Variants in DNAH11 observed in about 807,000 individuals in gnomAD.
DNAH11 encodes axonemal beta dynein heavy chain 11.
In DNAH11, 442 loss-of-function variants were observed where a neutral mutation model predicts 526.0. The observed-to-expected ratio is 0.84, with a 90% CI of 0.78 to 0.91. The LOEUF is 0.91. DNAH11 is among the 40% of genes least tolerant of loss of function. DNAH11 has a pLI of 0.00. For missense variants in DNAH11, 6,989 were observed against 5,448.7 expected, an observed-to-expected ratio of 1.28 and a Z score of -8.90; for synonymous variants, 2,461 against 1,935.9, an observed-to-expected ratio of 1.27 and a Z score of -7.12.
chr7:21,710,417 G>T lies in DNAH11; in HGVS notation c.6684-136G>T, dbSNP rs563545859. ...GAGGTGAATCTGGAACCCATGTGTGGCTGAAAAGGTGTTACACACTGCCCG... is the reference window on the plus strand; with the variant it reads ...GAGGTGAATCTGGAACCCATGTGTGTCTGAAAAGGTGTTACACACTGCCCG... On this transcript the variant is annotated intron_variant, in intron 40 of 81. Coordinates refer to ENST00000409508, the MANE Select transcript of DNAH11 (RefSeq NM_001277115.2). 14 of 640,360 alleles carry T rather than the reference G, an allele frequency of 2.2e-5. No homozygotes were observed. The South Asian group carries it at 3.2e-4, about 15-fold the overall frequency. The allele number at this position is 640,360 out of a possible 1,614,324, so 39.7% of individuals were successfully genotyped here. A position where few individuals can be genotyped will look rare whatever the true frequency, so the allele number is the denominator to read the frequency against.
intron 44 of DNAH11, among the ~76,000 whole-genome samples, chr7:21,724,862 A>C (rs1181935198): frequency 1.6e-5 from 2 of 127,762 alleles, no homozygotes; most frequent in African/African-American, 5.7e-5. Flanking sequence ...GGACCAGATC[A>C]TCCTAGGGAT....
intron 66 of DNAH11, among the ~76,000 whole-genome samples, chr7:21,847,068 T>C (rs1372864469): frequency 6.6e-6 from 1 of 152,196 alleles, no homozygotes; most frequent in East Asian, 1.9e-4. Flanking sequence ...TAGTAATTGG[T>C]GCCTTCTCTT....
chr7:21,901,325 C>G lies in DNAH11; in HGVS notation c.*71C>G, dbSNP rs1293637016. The G allele has an allele frequency of 3.0e-5, 43 of 1,435,810 alleles. No individual in the cohort carries two copies. The highest frequency in any genetic ancestry group is 3.2e-5 in the Non-Finnish European group (35 of 1,084,902). 88.9% of individuals were successfully genotyped at this position (1,435,810 alleles called of 1,614,324 possible). ...TTTTCTAGCATGTTGCTGCACTGTT[C>G]CCATGCACATTATTCTAACTTTTTA... On this transcript the variant is annotated 3_prime_UTR_variant, in exon 82 of 82. Coordinates refer to ENST00000409508, the MANE Select transcript of DNAH11 (RefSeq NM_001277115.2).
chr7:21,822,264 T>C (rs1790087356), intron 65 of DNAH11, among the ~76,000 whole-genome samples: 1 of 152,048 alleles, frequency 6.6e-6, no homozygotes, highest in Non-Finnish European at 1.5e-5. Context: ...AGGCTCACAA[T>C]CATGGTGGAA....
At chr7:21,616,420 A>G in intron 22 of DNAH11, 128 bp downstream of exon 22, 2 of 693,298 alleles carry the variant, frequency 2.9e-6, no homozygotes, top group Non-Finnish European at 4.6e-6. Flanking sequence ...GTGATAGCAG[A>G]CAGTGTTTTT....
intron 67 of DNAH11, among the ~76,000 whole-genome samples, chr7:21,853,108 C>A (rs752099770): frequency 6.6e-6 from 1 of 152,104 alleles, no homozygotes; most frequent in East Asian, 1.9e-4. Context: ...GCACTATTCA[C>A]CCCAGGAAAA....
chr7:21,847,057 C>T (rs1467704525), intron 66 of DNAH11, among the ~76,000 whole-genome samples: 1 of 152,056 alleles, frequency 6.6e-6, no homozygotes, highest in African/African-American at 2.4e-5. Flanking sequence ...ATTTCTCATA[C>T]TAGTAATTGG....
intron 20 of DNAH11, among the ~76,000 whole-genome samples, chr7:21,610,347 C>T (rs560531119): frequency 6.6e-6 from 1 of 152,232 alleles, no homozygotes; most frequent in African/African-American, 2.4e-5. Flanking sequence ...TTATACTACC[C>T]CTCTGATTAA....
chr7:21,863,652 A>G (rs926808602), intron 69 of DNAH11, among the ~76,000 whole-genome samples: 6 of 152,204 alleles, frequency 3.9e-5, no homozygotes, highest in Admixed American at 1.3e-4. Context: ...GAAAAAGACC[A>G]GGGATGATAA....
intron 73 of DNAH11, among the ~76,000 whole-genome samples, chr7:21,872,140 A>AAAAAAAAAAAAAT (rs1554291084): frequency 6.8e-6 from 1 of 146,618 alleles, no homozygotes; most frequent in Admixed American, 6.8e-5. Flanking sequence ...AAAAAAAAAA[A>AAAAAAAAAAAAAT]AAAAAAAAAC....
chr7:21,628,063 T>A (rs1174390783), intron 25 of DNAH11, among the ~76,000 whole-genome samples: 1 of 152,212 alleles, frequency 6.6e-6, no homozygotes, highest in African/African-American at 2.4e-5. Flanking sequence ...TAAATGTGAT[T>A]GCCTTCTTGA....
At chr7:21,726,909 T>G (rs1785138230) in intron 45 of DNAH11, among the ~76,000 whole-genome samples, 1 of 137,294 alleles carries the variant, frequency 7.3e-6, no homozygotes, top group Non-Finnish European at 1.5e-5. Flanking sequence ...TAGTGAGATG[T>G]CTGTTATATT....
intron 2 of DNAH11, among the ~76,000 whole-genome samples, chr7:21,555,069 C>T (rs1783164076): frequency 1.3e-5 from 2 of 152,124 alleles, no homozygotes; most frequent in South Asian, 4.1e-4. Flanking sequence ...GAACTTTTTA[C>T]TAGGCTTCTT....
At chr7:21,855,825 T>A in intron 68 of DNAH11, among the ~76,000 whole-genome samples, 1 of 152,274 alleles carries the variant, frequency 6.6e-6, no homozygotes, top group Non-Finnish European at 1.5e-5. Context: ...TAGATACATA[T>A]AGATATATAT....
chr7:21,799,348 T>A (rs540082658), intron 61 of DNAH11, among the ~76,000 whole-genome samples: 2 of 152,258 alleles, frequency 1.3e-5, no homozygotes, highest in South Asian at 2.1e-4. Flanking sequence ...ATTTCTTTTT[T>A]TTTTTTAAGA....
chr7:21,753,581 A>G (rs955391754), intron 54 of DNAH11, among the ~76,000 whole-genome samples: 2 of 152,308 alleles, frequency 1.3e-5, no homozygotes, highest in Middle Eastern at 3.4e-3. Flanking sequence ...TCTAAACAAC[A>G]TGTATTTCTT....
chr7:21,658,632 G>A lies in DNAH11; in HGVS notation c.5095-166G>A, dbSNP rs141575154. On this transcript the variant is annotated intron_variant, in intron 29 of 81. Coordinates refer to ENST00000409508, the MANE Select transcript of DNAH11 (RefSeq NM_001277115.2). ...TGCAGGAGAAAGATTTCACCAATCC[G>A]TTGTTCACTTTCCCCTTTGAGTTAT... Among the ~76,000 whole-genome samples, 63 of 152,212 alleles carry A rather than the reference G, an allele frequency of 4.1e-4. 2 individuals carry two copies. In the East Asian group the frequency reaches 9.1e-3, roughly 22 times the overall value.
In DNAH11 at chr7:21,864,551, A is replaced by G; in HGVS notation, c.11390A>G (p.Lys3797Arg). The G allele has an allele frequency of 6.2e-7, 1 of 1,611,296 alleles. No individual in the cohort carries two copies. Among genetic ancestry groups the G allele is most frequent in the Non-Finnish European group, 8.5e-7 (1 of 1,178,668 alleles). ...ACTCTCAAGATTTTGTTGAGAAAGA[A>G]AGAGATAGACCCTCTTGAATTGGAT... Reference protein sequence around the residue: ...QMAFQILLRKKEIDPLELDFL... With the variant: ...QMAFQILLRKREIDPLELDFL... Residue 3797 changes from lysine (K) to arginine (R), a missense_variant, in exon 70 of 82, where the codon AAA becomes AGA. Transcript: ENST00000409508.
At chr7:21,696,407 A>T (rs188615598) in intron 35 of DNAH11, among the ~76,000 whole-genome samples, 7 of 152,314 alleles carry the variant, frequency 4.6e-5, no homozygotes, top group Admixed American at 3.3e-4. Context: ...CTTGTATTGA[A>T]TGTTTTTCTT....
Sources: gnomAD v4.1 joint callset for allele counts (sites outside exome capture counted in the v4.1 genomes callset) on GRCh38, gnomAD v4.1.1 for gene constraint, MANE v1.5 for transcripts, NCBI Gene and HGNC (gene_info 2026-07-23, HGNC 2026-07-21) for gene names.